Variants in XRCC4 observed in about 807,000 individuals in gnomAD.
XRCC4 encodes X-ray repair cross complementing 4, also known as DNA repair protein XRCC4.
In XRCC4, 28 loss-of-function variants were observed where a neutral mutation model predicts 39.1. That is an observed-to-expected ratio of 0.72 (90% CI 0.53 to 0.98). The LOEUF is 0.98. XRCC4 is among the 50% of genes least tolerant of loss of function. The pLI, the probability that XRCC4 is intolerant of heterozygous loss-of-function variation, is 0.00. For synonymous variants in XRCC4, 123 were observed against 126.4 expected (o/e 0.97, Z 0.18); for missense variants, 350 against 376.4 (o/e 0.93, Z 0.58).
chr5:83,337,194 T>G (rs1756619849), intron 7 of XRCC4, among the ~76,000 whole-genome samples: 1 of 152,162 alleles, frequency 6.6e-6, no homozygotes, highest in Admixed American at 6.5e-5. Context: ...CAACAGAACC[T>G]CAGTTCTTTA....
chr5:83,356,468 A>C (rs1757191245), downstream of XRCC4, among the ~76,000 whole-genome samples: 1 of 152,212 alleles, frequency 6.6e-6, no homozygotes, highest in East Asian at 1.9e-4. Flanking sequence ...CATAATATTT[A>C]GAAAATGTTT....
intron 6 of XRCC4, among the ~76,000 whole-genome samples, chr5:83,245,741 A>G (rs947332279): frequency 1.3e-5 from 2 of 152,078 alleles, no homozygotes; most frequent in African/African-American, 4.8e-5. Flanking sequence ...AAAATATCTT[A>G]TTTGATCAGG....
chr5:83,236,631 G>T (rs1752701216), intron 6 of XRCC4, among the ~76,000 whole-genome samples: 1 of 151,956 alleles, frequency 6.6e-6, no homozygotes, highest in African/African-American at 2.4e-5. Flanking sequence ...CATTGAAGGG[G>T]TGATTCAGGA....
chr5:83,150,197 A>G (rs1748638697), intron 3 of XRCC4, among the ~76,000 whole-genome samples: 1 of 152,134 alleles, frequency 6.6e-6, no homozygotes, highest in African/African-American at 2.4e-5. Flanking sequence ...TCTTCATAAA[A>G]TATTTTTTGT....
chr5:83,203,432 GC>G, intron 4 of XRCC4, 119 bp from the exon 5 acceptor site: 1 of 801,732 alleles, frequency 1.2e-6, no homozygotes, highest in East Asian at 3.1e-5. Flanking sequence ...GTCAGTGAAA[GC>G]ATATGTGAAA....
At chr5:83,176,331 T>A (rs1749956042) in intron 3 of XRCC4, among the ~76,000 whole-genome samples, 1 of 152,056 alleles carries the variant, frequency 6.6e-6, no homozygotes, top group Non-Finnish European at 1.5e-5. Context: ...AGTAAAAAAA[T>A]AGTCAAAGTA....
chr5:83,321,816 A>G (rs571286086), intron 7 of XRCC4, among the ~76,000 whole-genome samples: 2 of 152,000 alleles, frequency 1.3e-5, no homozygotes, highest in Non-Finnish European at 2.9e-5. Flanking sequence ...CAAAATGCAA[A>G]AAATTTAATG....
intron 7 of XRCC4, among the ~76,000 whole-genome samples, chr5:83,293,942 A>G (rs2112983040): frequency 6.6e-6 from 1 of 152,170 alleles, no homozygotes; most frequent in Non-Finnish European, 1.5e-5. Context: ...AGTTGGTTTT[A>G]TTTTAAAAAT....
chr5:83,370,812 A>G, the XRCC4 span, among the ~76,000 whole-genome samples: 4 of 152,120 alleles, frequency 2.6e-5, no homozygotes, highest in African/African-American at 9.7e-5. Context: ...TAAAATTACC[A>G]TCATGTGTTA....
intron 7 of XRCC4, among the ~76,000 whole-genome samples, chr5:83,281,273 C>T (rs921119190): frequency 6.6e-6 from 1 of 152,132 alleles, no homozygotes; most frequent in Non-Finnish European, 1.5e-5. Flanking sequence ...AGACTTGACT[C>T]CAATACAGCT....
intron 7 of XRCC4, among the ~76,000 whole-genome samples, chr5:83,316,016 T>A (rs1015678473): frequency 1.1e-4 from 17 of 152,232 alleles, no homozygotes; most frequent in Middle Eastern, 3.4e-3. Flanking sequence ...CTGTTCTAGA[T>A]GCCATTAAGA....
intron 1 of XRCC4, among the ~76,000 whole-genome samples, chr5:83,097,568 A>G (rs1273272470): frequency 6.6e-6 from 1 of 152,086 alleles, no homozygotes; most frequent in Non-Finnish European, 1.5e-5. Flanking sequence ...TTTAAGTAGA[A>G]AAGACTGTAT....
intron 7 of XRCC4, among the ~76,000 whole-genome samples, chr5:83,339,059 C>T (rs1266211750): frequency 6.6e-6 from 1 of 152,168 alleles, no homozygotes; most frequent in Non-Finnish European, 1.5e-5. Flanking sequence ...GCCTCATCTA[C>T]ACAGCAAATT....
intron 7 of XRCC4, among the ~76,000 whole-genome samples, chr5:83,273,649 C>T (rs1315883279): frequency 6.6e-6 from 1 of 152,134 alleles, no homozygotes; most frequent in Non-Finnish European, 1.5e-5. Context: ...ACCCAGTTTT[C>T]CCAGCACCAT....
At chr5:83,282,802 A>G (rs1754592758) in intron 7 of XRCC4, among the ~76,000 whole-genome samples, 2 of 152,130 alleles carry the variant, frequency 1.3e-5, no homozygotes, top group African/African-American at 2.4e-5. Flanking sequence ...AGATTGCGCC[A>G]CTGCACTCCA....
At chr5:83,170,960 T>C (rs1017190535) in intron 3 of XRCC4, among the ~76,000 whole-genome samples, 1 of 152,186 alleles carries the variant, frequency 6.6e-6, no homozygotes, top group South Asian at 2.1e-4. Flanking sequence ...ATCTTAAATG[T>C]GTCTGTATTC....
intron 7 of XRCC4, among the ~76,000 whole-genome samples, chr5:83,286,875 G>A (rs538409177): frequency 2.6e-5 from 4 of 152,162 alleles, no homozygotes; most frequent in Middle Eastern, 3.4e-3. Context: ...ATGTAAAGTA[G>A]TTGAGGACTA....
At chr5:83,341,147 G>C (rs1756744250) in intron 7 of XRCC4, among the ~76,000 whole-genome samples, 1 of 151,408 alleles carries the variant, frequency 6.6e-6, no homozygotes. Context: ...GTTAAACAAG[G>C]TTCTTTTTTC....
At chr5:83,305,464 A>T (rs1485085806) in intron 7 of XRCC4, among the ~76,000 whole-genome samples, 2 of 152,124 alleles carry the variant, frequency 1.3e-5, no homozygotes, top group Non-Finnish European at 2.9e-5. Context: ...TTTAAATCTC[A>T]AAGTAGAGTC....
Sources: allele counts gnomAD v4.1 joint callset (sites outside exome capture counted in the v4.1 genomes callset), GRCh38; gene constraint gnomAD v4.1.1; transcripts MANE v1.5; gene names NCBI Gene and HGNC (gene_info 2026-07-23, HGNC 2026-07-21).